CNOT2: variants seen among roughly 807,000 people sequenced by gnomAD.
CNOT2 encodes the protein CC chemokine receptor 4-negative regulator of transcription 2.
CNOT2 carries 7 observed loss-of-function variants against 72.1 expected under a neutral mutation model. The ratio of observed to expected loss-of-function variants is 0.10; its 90% confidence interval spans 0.06 to 0.18. CNOT2 has a LOEUF of 0.18. Among genes scored for constraint, CNOT2 ranks in the 10% least tolerant of loss-of-function variants. The probability of loss-of-function intolerance (pLI) is 1.00; values close to 1 mark genes in which losing one functional copy is unlikely to be tolerated. For synonymous variants in CNOT2, 196 were observed against 225.6 expected (o/e 0.87, Z 1.17); for missense variants, 345 against 660.3 (o/e 0.52, Z 5.23).
chr12:70,296,866 C>T (rs1872898411), intron 2 of CNOT2, among the ~76,000 whole-genome samples: 1 of 151,080 alleles, frequency 6.6e-6, no homozygotes, highest in South Asian at 2.1e-4. Flanking sequence ...AAAAATACTA[C>T]TGAAACAAAA....
At chr12:70,341,813 G>T (rs1881542650) in intron 11 of CNOT2, among the ~76,000 whole-genome samples, 1 of 152,098 alleles carries the variant, frequency 6.6e-6, no homozygotes, top group Non-Finnish European at 1.5e-5. Context: ...AAAGCATCTT[G>T]AGTTGAAATC....
At chr12:70,305,256 C>T (rs376467679) in intron 2 of CNOT2, among the ~76,000 whole-genome samples, 2 of 152,186 alleles carry the variant, frequency 1.3e-5, no homozygotes, top group Admixed American at 6.5e-5. Flanking sequence ...CCATCTTCTG[C>T]GACACTCATG....
At chr12:70,286,949 AT>A (rs200639759) in intron 2 of CNOT2, among the ~76,000 whole-genome samples, 151 of 152,092 alleles carry the variant, frequency 9.9e-4, no homozygotes, top group African/African-American at 3.3e-3. Flanking sequence ...TTAAAAAAAA[AT>A]TTTTAGTTAT....
At chr12:70,334,720 TTTAAC>T (rs1431609539) in intron 7 of CNOT2, 1 of 152,092 alleles carries the variant, frequency 6.6e-6, no homozygotes, top group East Asian at 1.9e-4. Context: ...AGCTGATTGT[TTTAAC>T]TTAAAATGAA....
intron 6 of CNOT2, among the ~76,000 whole-genome samples, chr12:70,332,073 C>T (rs1880037039): frequency 2.0e-5 from 3 of 151,436 alleles, no homozygotes; most frequent in Non-Finnish European, 4.4e-5. Flanking sequence ...AAATTGGGGA[C>T]ACCATAGACT....
intron 11 of CNOT2, among the ~76,000 whole-genome samples, chr12:70,340,852 A>G (rs1313758063): frequency 6.6e-6 from 1 of 151,492 alleles, no homozygotes; most frequent in Non-Finnish European, 1.5e-5. Flanking sequence ...ACACCCAGTA[A>G]ATGTTTGTGG....
intron 2 of CNOT2, among the ~76,000 whole-genome samples, chr12:70,283,629 C>G (rs943167791): frequency 7.1e-5 from 10 of 141,392 alleles, no homozygotes; most frequent in Admixed American, 6.5e-4. Context: ...TAAGAGCGAC[C>G]TAATGAAAGA....
At chr12:70,304,085 A>T (rs886686505) in intron 2 of CNOT2, among the ~76,000 whole-genome samples, 3 of 151,784 alleles carry the variant, frequency 2.0e-5, no homozygotes, top group South Asian at 4.2e-4. Flanking sequence ...TGCATTGGTT[A>T]TTCTAGTTAT....
chr12:70,259,874 T>G lies in CNOT2; in HGVS notation c.-96+16394T>G, dbSNP rs566629200. Among the ~76,000 whole-genome samples, 74 of 152,360 alleles carry G rather than the reference T, an allele frequency of 4.9e-4. 2 individuals are homozygous for G. The South Asian group carries it at 0.013, about 27-fold the overall frequency. On this transcript the variant is annotated intron_variant, in intron 1 of 15. Coordinates refer to ENST00000229195, the MANE Select transcript of CNOT2 (RefSeq NM_014515.7). ...TTTGTGTATAGAGTATTTGAAGAGATAATAGTGAAAAATGTGCATGATTTG... is the reference window on the plus strand; with the variant it reads ...TTTGTGTATAGAGTATTTGAAGAGAGAATAGTGAAAAATGTGCATGATTTG...
chr12:70,290,472 T>C (rs1247887071), intron 2 of CNOT2, among the ~76,000 whole-genome samples: 2 of 152,174 alleles, frequency 1.3e-5, no homozygotes, highest in African/African-American at 4.8e-5. Context: ...ACACTGAAAA[T>C]TCTTTCAGTC....
At chr12:70,304,266 A>G (rs2135931082) in intron 2 of CNOT2, among the ~76,000 whole-genome samples, 1 of 152,156 alleles carries the variant, frequency 6.6e-6, no homozygotes, top group East Asian at 1.9e-4. Flanking sequence ...CCTTTGGAGG[A>G]GGAGAGGCGC....
At chr12:70,245,888 A>C (rs1386457208) in intron 1 of CNOT2, among the ~76,000 whole-genome samples, 2 of 152,184 alleles carry the variant, frequency 1.3e-5, no homozygotes, top group Non-Finnish European at 2.9e-5. Flanking sequence ...TATTTGTTCA[A>C]AAGTAAATAA....
intron 1 of CNOT2, among the ~76,000 whole-genome samples, chr12:70,265,698 A>T (rs1459046599): frequency 1.3e-5 from 2 of 151,078 alleles, no homozygotes; most frequent in South Asian, 4.2e-4. Flanking sequence ...CCCTTTTTCA[A>T]GGTTTTTGAG....
chr12:70,301,808 C>G (rs1874041216), intron 2 of CNOT2: 1 of 152,152 alleles, frequency 6.6e-6, no homozygotes, highest in Non-Finnish European at 1.5e-5. Flanking sequence ...CCAGCTCCTC[C>G]TTGTACCTCT....
At chr12:70,317,690 A>T (rs532791458) in intron 3 of CNOT2, among the ~76,000 whole-genome samples, 2 of 147,840 alleles carry the variant, frequency 1.4e-5, no homozygotes, top group East Asian at 2.0e-4. Context: ...AGTGGTGTAT[A>T]ACTCAGCCCT....
At chr12:70,307,338 A>G (rs1224623149) in intron 2 of CNOT2, among the ~76,000 whole-genome samples, 1 of 152,048 alleles carries the variant, frequency 6.6e-6, no homozygotes, top group African/African-American at 2.4e-5. Context: ...TTCTTCCCTT[A>G]TATTCATACT....
At chr12:70,284,755 T>C (rs1190539958) in intron 2 of CNOT2, among the ~76,000 whole-genome samples, 1 of 152,194 alleles carries the variant, frequency 6.6e-6, no homozygotes, top group Non-Finnish European at 1.5e-5. Context: ...CTTTTTTTAT[T>C]ATCATCTGAA....
chr12:70,286,479 A>G (rs1305513058), intron 2 of CNOT2, among the ~76,000 whole-genome samples: 3 of 150,014 alleles, frequency 2.0e-5, no homozygotes, highest in Non-Finnish European at 3.0e-5. Context: ...CTAAATTATC[A>G]TATTAGCATT....
intron 2 of CNOT2, among the ~76,000 whole-genome samples, chr12:70,295,829 T>G (rs911658938): frequency 6.6e-6 from 1 of 152,180 alleles, no homozygotes; most frequent in African/African-American, 2.4e-5. Context: ...AGCTTATATA[T>G]TAATTGTTCA....
Sources: gnomAD v4.1 joint callset for allele counts (sites outside exome capture counted in the v4.1 genomes callset) on GRCh38, gnomAD v4.1.1 for gene constraint, MANE v1.5 for transcripts, NCBI Gene and HGNC (gene_info 2026-07-23, HGNC 2026-07-21) for gene names.